Variants in RPH3A observed in about 807,000 individuals in gnomAD.
RPH3A encodes the protein rabphilin 3A, also known as rabphilin-3A.
In RPH3A, 48 loss-of-function variants were observed where a neutral mutation model predicts 102.2. The ratio of observed to expected loss-of-function variants is 0.47; its 90% CI spans 0.37 to 0.60. The LOEUF is 0.60. Ranked by LOEUF, RPH3A falls within the 20% of genes least tolerant of loss-of-function variation. The pLI, the probability that RPH3A is intolerant of heterozygous loss-of-function variation, is 0.00. For missense variants in RPH3A, 781 were observed against 910.1 expected, an observed-to-expected ratio of 0.86 and a Z score of 1.83; for synonymous variants, 310 against 324.3, an observed-to-expected ratio of 0.96 and a Z score of 0.47.
chr12:112,694,422 C>T (rs1214451397), intron 1 of RPH3A, among the ~76,000 whole-genome samples: 1 of 152,120 alleles, frequency 6.6e-6, no homozygotes, highest in Non-Finnish European at 1.5e-5. Context: ...GGGCAAGTGA[C>T]TTAGTCTCAA....
chr12:112,873,220 T>C (rs2042736635), intron 10 of RPH3A, among the ~76,000 whole-genome samples: 1 of 152,244 alleles, frequency 6.6e-6, no homozygotes. Context: ...TGGGTCATAC[T>C]GATCCAATCC....
At chr12:112,715,930 G>A (rs1378487618) in intron 1 of RPH3A, among the ~76,000 whole-genome samples, 1 of 152,178 alleles carries the variant, frequency 6.6e-6, no homozygotes, top group Non-Finnish European at 1.5e-5. Context: ...GCGTTTTCCA[G>A]GAAAGGGGTG....
At chr12:112,890,180 C>A in intron 18 of RPH3A, 100 bp downstream of exon 18, 1 of 1,034,654 alleles carries the variant, frequency 9.7e-7, no homozygotes, top group Non-Finnish European at 1.5e-6. Context: ...CTCATCCATT[C>A]TCTTCCAACC....
At chr12:112,586,879 T>C (rs1260736281) in intron 1 of RPH3A, among the ~76,000 whole-genome samples, 1 of 152,212 alleles carries the variant, frequency 6.6e-6, no homozygotes, top group Admixed American at 6.5e-5. Context: ...TACCATCTCC[T>C]ATATATCTCA....
At chr12:112,707,738 T>C (rs1305926595) in intron 1 of RPH3A, among the ~76,000 whole-genome samples, 1 of 152,216 alleles carries the variant, frequency 6.6e-6, no homozygotes, top group Non-Finnish European at 1.5e-5. Context: ...GATTTTATAT[T>C]TATCAAGAAG....
intron 1 of RPH3A, among the ~76,000 whole-genome samples, chr12:112,716,484 T>C (rs2040514060): frequency 6.6e-6 from 1 of 152,268 alleles, no homozygotes; most frequent in African/African-American, 2.4e-5. Flanking sequence ...TAATAGTCTC[T>C]AGATACAGGA....
chr12:112,818,307 T>TAA (rs745954372), intron 2 of RPH3A, among the ~76,000 whole-genome samples: 571 of 43,796 alleles, frequency 0.013, 14 homozygotes, highest in African/African-American at 0.037. Context: ...TCAAGAAGAA[T>TAA]AAAAAAAAAA....
upstream of RPH3A, among the ~76,000 whole-genome samples, chr12:112,790,833 G>A (rs977526967): frequency 3.9e-5 from 6 of 152,162 alleles, no homozygotes; most frequent in African/African-American, 1.4e-4. Flanking sequence ...GGTGAGGTTG[G>A]CACATGCCAT....
intron 1 of RPH3A, among the ~76,000 whole-genome samples, chr12:112,690,698 AG>A (rs1189410638): frequency 6.6e-6 from 1 of 152,334 alleles, no homozygotes; most frequent in African/African-American, 2.4e-5. Context: ...CAACGAGATC[AG>A]GGTTCCTGCC....
At chr12:112,813,410 C>G (rs1054186511) in intron 2 of RPH3A, 3 of 152,220 alleles carry the variant, frequency 2.0e-5, no homozygotes, top group Non-Finnish European at 4.4e-5. Flanking sequence ...TTCTTTACCC[C>G]ACCTGGTGCC....
intron 1 of RPH3A, among the ~76,000 whole-genome samples, chr12:112,764,977 T>A (rs1263420339): frequency 6.6e-6 from 1 of 152,226 alleles, no homozygotes; most frequent in Non-Finnish European, 1.5e-5. Context: ...TTCCTCAAAC[T>A]ATTAGGAGCA....
chr12:112,712,967 C>CT (rs2040480941), intron 1 of RPH3A, among the ~76,000 whole-genome samples: 1 of 92,778 alleles, frequency 1.1e-5, no homozygotes, highest in Non-Finnish European at 2.3e-5. Context: ...CTTCTTCTTT[C>CT]TTCTTCTTTC....
chr12:112,599,982 G>A lies in RPH3A; in HGVS notation c.-140+24663G>A, dbSNP rs190253339. Reference sequence around the variant, plus strand: ...CGGGATGATAACAGTGTCTGCCTCCGGAGTTGCTGTGAGGACTGAGTGAGT... The same window carrying A: ...CGGGATGATAACAGTGTCTGCCTCCAGAGTTGCTGTGAGGACTGAGTGAGT... On this transcript the variant is annotated intron_variant, in intron 1 of 21. Coordinates refer to the RPH3A transcript ENST00000543106. 5.8e-3 allele frequency among the ~76,000 whole-genome samples: 880 copies of A among 152,266 alleles called. 3 individuals are homozygous for A. The highest frequency in any genetic ancestry group is 9.2e-3 in the Non-Finnish European group (625 of 68,016).
At chr12:112,629,482 T>G (rs1254715867) in intron 1 of RPH3A, among the ~76,000 whole-genome samples, 1 of 148,024 alleles carries the variant, frequency 6.8e-6, no homozygotes, top group Non-Finnish European at 1.5e-5. Flanking sequence ...TTTTTTTTTT[T>G]TTTTGAGATG....
At chr12:112,633,413 T>C (rs1411673805) in intron 1 of RPH3A, among the ~76,000 whole-genome samples, 1 of 152,152 alleles carries the variant, frequency 6.6e-6, no homozygotes, top group Non-Finnish European at 1.5e-5. Context: ...TGAGGGCTCA[T>C]GAATGGATTA....
intron 1 of RPH3A, among the ~76,000 whole-genome samples, chr12:112,778,798 G>A (rs1340267912): frequency 6.6e-6 from 1 of 152,212 alleles, no homozygotes; most frequent in African/African-American, 2.4e-5. Flanking sequence ...AAGAATGCCT[G>A]CAAAAGTTTC....
intron 1 of RPH3A, among the ~76,000 whole-genome samples, chr12:112,682,355 C>CTTTTTTT (rs35365778): frequency 4.3e-5 from 5 of 116,528 alleles, no homozygotes; most frequent in African/African-American, 6.2e-5. Flanking sequence ...TTCTTTCTTT[C>CTTTTTTT]TTTTTTTTTT....
intron 1 of RPH3A, among the ~76,000 whole-genome samples, chr12:112,713,102 T>TCTTCTTC (rs575141531): frequency 4.4e-5 from 6 of 135,656 alleles, no homozygotes; most frequent in South Asian, 5.8e-4. Flanking sequence ...TTCTTCTTCT[T>TCTTCTTC]TTATTTTTTT....
At chr12:112,865,727 C>T in intron 6 of RPH3A, 184 bp downstream of exon 6, 1 of 567,112 alleles carries the variant, frequency 1.8e-6, no homozygotes, top group Non-Finnish European at 2.9e-6. Flanking sequence ...AACCCTGATC[C>T]TGGTTCCTCC....
Sources: gnomAD v4.1 joint callset for allele counts (sites outside exome capture counted in the v4.1 genomes callset) on GRCh38, gnomAD v4.1.1 for gene constraint, MANE v1.5 for transcripts, NCBI Gene and HGNC (gene_info 2026-07-23, HGNC 2026-07-21) for gene names.